The following CEP57 variants were observed in gnomAD, a reference collection of about 807,000 sequenced individuals.
CEP57 encodes the protein centrosomal protein of 57 kDa.
A neutral mutation model predicts 68.0 loss-of-function variants in CEP57; 40 were observed. The ratio of observed to expected loss-of-function variants is 0.59; its 90% CI spans 0.46 to 0.77. The LOEUF (loss-of-function observed/expected upper bound fraction) is 0.77. CEP57 is among the 30% of genes least tolerant of loss of function. CEP57 has a pLI of 0.00. For synonymous variants in CEP57, 219 were observed against 198.7 expected (o/e 1.10, Z -0.86); for missense variants, 606 against 580.7 (o/e 1.04, Z -0.45).
intron 6 of CEP57, among the ~76,000 whole-genome samples, chr11:95,819,723 A>G (rs1862443607): frequency 1.3e-5 from 2 of 152,224 alleles, no homozygotes; most frequent in African/African-American, 2.4e-5. Flanking sequence ...CTGCAGTTCA[A>G]TCTGTGACCA....
chr11:95,792,215 A>G (rs1861115529), intron 1 of CEP57, among the ~76,000 whole-genome samples: 1 of 152,216 alleles, frequency 6.6e-6, no homozygotes, highest in Non-Finnish European at 1.5e-5. Flanking sequence ...GTAAAAAACT[A>G]TTGGAAGTGT....
At chr11:95,830,314 A>T (rs1160127083) in intron 10 of CEP57, among the ~76,000 whole-genome samples, 1 of 152,168 alleles carries the variant, frequency 6.6e-6, no homozygotes, top group East Asian at 1.9e-4. Flanking sequence ...CAACTCTAAA[A>T]CTTTGGCTGT....
chr11:95,825,495 C>T (rs772695672), intron 8 of CEP57, among the ~76,000 whole-genome samples: 11 of 151,876 alleles, frequency 7.2e-5, no homozygotes, highest in Non-Finnish European at 1.3e-4. Context: ...CAAACCAGTG[C>T]CACAAGATGA....
chr11:95,830,963 G>A, intron 10 of CEP57, 63 bp from the exon 11 acceptor site: 1 of 1,316,748 alleles, frequency 7.6e-7, no homozygotes, highest in Non-Finnish European at 1.1e-6. Flanking sequence ...ACTTTTTGTT[G>A]TCAGAAAAAA....
chr11:95,802,813 T>A (rs1298637954), intron 2 of CEP57, among the ~76,000 whole-genome samples: 1 of 152,218 alleles, frequency 6.6e-6, no homozygotes, highest in Admixed American at 6.5e-5. Context: ...AAAGGCCTCA[T>A]GAGCTCTGCC....
intron 9 of CEP57, among the ~76,000 whole-genome samples, chr11:95,828,366 G>A (rs1390693635): frequency 1.3e-5 from 2 of 152,196 alleles, no homozygotes; most frequent in Non-Finnish European, 2.9e-5. Context: ...TAACATAAGA[G>A]TGTGCTAAGC....
Position 95,813,323 on chromosome 11 carries a change from GAA to G in CEP57, c.383-144_383-143del, listed in dbSNP as rs1862154865. ...GGCCAGTTTGACTAGCACGTAGAAA[GAA>G]TGATTTAGGTAATCTGAAAAGGCGT... On this transcript the variant is annotated intron_variant, in intron 3 of 10. Coordinates refer to ENST00000325542, the MANE Select transcript of CEP57 (RefSeq NM_014679.5). 2.8e-6 allele frequency: 3 copies of G among 1,078,494 alleles called. No individual in the cohort carries two copies. In the South Asian group the frequency reaches 4.5e-5, roughly 16 times the overall value. 66.8% of individuals were successfully genotyped at this position (1,078,494 alleles called of 1,614,324 possible). A position where few individuals can be genotyped will look rare whatever the true frequency, so the allele number is the denominator to read the frequency against.
intron 1 of CEP57, among the ~76,000 whole-genome samples, chr11:95,793,853 CTTGTATTCA>C (rs1861215130): frequency 6.6e-6 from 1 of 152,066 alleles, no homozygotes; most frequent in Non-Finnish European, 1.5e-5. Flanking sequence ...TAGAAACAAT[CTTGTATTCA>C]TTGTTATATG....
At chr11:95,829,453 A>G in intron 10 of CEP57, 122 bp downstream of exon 10, 1 of 1,029,170 alleles carries the variant, frequency 9.7e-7, no homozygotes, top group South Asian at 1.3e-5. Context: ...ATACTTCTTT[A>G]CTGAAGACAT....
intron 10 of CEP57, 23 bp downstream of exon 10, chr11:95,829,354 A>G: frequency 1.2e-6 from 2 of 1,608,836 alleles, no homozygotes; most frequent in Non-Finnish European, 1.7e-6. Flanking sequence ...TCCTTCACTC[A>G]AGTTTCTAAT....
chr11:95,822,056 G>T lies in CEP57; in HGVS notation c.807+78G>T, dbSNP rs1337980858. 12 of 936,648 alleles carry T rather than the reference G, an allele frequency of 1.3e-5. No individual in the cohort carries two copies. The African/African-American group carries it at 1.9e-4, about 15-fold the overall frequency. 58.0% of individuals were successfully genotyped at this position (936,648 alleles called of 1,614,324 possible). A position where few individuals can be genotyped will look rare whatever the true frequency, so the allele number is the denominator to read the frequency against. On this transcript the variant is annotated intron_variant, in intron 7 of 10. Coordinates refer to ENST00000325542, the MANE Select transcript of CEP57 (RefSeq NM_014679.5). Reference sequence around the variant, plus strand: ...TGTCAAAACACCCATAAACTGTGTGGTGTACTACAACCTTGAGAGAGTAAA... The same window carrying T: ...TGTCAAAACACCCATAAACTGTGTGTTGTACTACAACCTTGAGAGAGTAAA...
Position 95,831,151 on chromosome 11 carries a change from G to A in CEP57, c.1398G>A (p.Met466Ile). 1.2e-6 allele frequency: 2 copies of A among 1,613,484 alleles called. No homozygotes were observed. Among genetic ancestry groups the A allele is most frequent in the Non-Finnish European group, 1.7e-6 (2 of 1,179,562 alleles). The change falls in exon 11 of 11, where the codon ATG becomes ATA. Residue 466 changes from methionine (M) to isoleucine (I), a missense_variant. Transcript: ENST00000325542. ...ITGTTNKKDF[M>I]KLRPGEKRRK... is the part of the protein sequence containing the mutation. ...GGACCACAAATAAGAAAGATTTTAT[G>A]AAACTGAGACCTGGAGAAAAAAGGA...
chr11:95,820,863 T>C (rs915764927), intron 6 of CEP57, among the ~76,000 whole-genome samples: 1 of 152,206 alleles, frequency 6.6e-6, no homozygotes, highest in Non-Finnish European at 1.5e-5. Flanking sequence ...TTAGGTGTGT[T>C]TGGAGTGTAT....
chr11:95,824,114 C>T (rs188150137), intron 8 of CEP57, among the ~76,000 whole-genome samples: 24 of 149,262 alleles, frequency 1.6e-4, no homozygotes, highest in African/African-American at 3.0e-4. Flanking sequence ...GGCATGTTGG[C>T]GTGCACCTGT....
At chr11:95,812,779 T>G (rs376620538) in intron 2 of CEP57, 153 bp from the exon 3 acceptor site, 5 of 740,368 alleles carry the variant, frequency 6.8e-6, no homozygotes, top group Non-Finnish European at 1.2e-5. Flanking sequence ...AAAACAAATA[T>G]GAGATAATTA....
intron 6 of CEP57, among the ~76,000 whole-genome samples, chr11:95,821,581 A>G (rs1862519123): frequency 6.6e-6 from 1 of 152,164 alleles, no homozygotes; most frequent in South Asian, 2.1e-4. Context: ...ATTGCATTTA[A>G]CTCGTTAGAT....
At chr11:95,823,255 T>TC (rs1712316816) in intron 8 of CEP57, 2 of 152,382 alleles carry the variant, frequency 1.3e-5, no homozygotes, top group Non-Finnish European at 2.9e-5. Flanking sequence ...CCTAGTAAAT[T>TC]CGCAGTGAAA....
At chr11:95,813,312 G>T (rs1479145273) in intron 3 of CEP57, among the ~76,000 whole-genome samples, 156 bp from the exon 4 acceptor site, 1 of 152,198 alleles carries the variant, frequency 6.6e-6, no homozygotes, top group East Asian at 1.9e-4. Context: ...AGTTTGACTA[G>T]CACGTAGAAA....
At chr11:95,801,231 A>G (rs897974526) in intron 2 of CEP57, among the ~76,000 whole-genome samples, 2 of 152,174 alleles carry the variant, frequency 1.3e-5, no homozygotes, top group African/African-American at 4.8e-5. Flanking sequence ...TTACTGAAAT[A>G]AAAGTAACTA....
Sources: gnomAD v4.1 joint callset for allele counts (sites outside exome capture counted in the v4.1 genomes callset) on GRCh38, gnomAD v4.1.1 for gene constraint, MANE v1.5 for transcripts, NCBI Gene and HGNC (gene_info 2026-07-23, HGNC 2026-07-21) for gene names.